Variants in CEP83 observed in about 807,000 individuals in gnomAD.
The protein encoded by CEP83 is centrosomal protein 83, also known as centrosomal protein of 83 kDa.
In CEP83, 70 loss-of-function variants were observed where a neutral mutation model predicts 101.9. That is an observed-to-expected ratio of 0.69 (90% CI 0.57 to 0.84). CEP83 has a LOEUF of 0.84. Among genes scored for constraint, CEP83 ranks in the 40% least tolerant of loss-of-function variants. CEP83 has a pLI of 0.00. For missense variants in CEP83, 715 were observed against 787.2 expected (o/e 0.91, Z 1.10); for synonymous variants, 264 against 267.9 (o/e 0.99, Z 0.14).
At chr12:94,365,914 A>T (rs2061003348) in intron 11 of CEP83, among the ~76,000 whole-genome samples, 1 of 152,212 alleles carries the variant, frequency 6.6e-6, no homozygotes, top group Admixed American at 6.5e-5. Context: ...AATCTGAAGC[A>T]GTTTCCAGGG....
chr12:94,416,304 C>G (rs1240007709), intron 2 of CEP83, among the ~76,000 whole-genome samples: 1 of 152,028 alleles, frequency 6.6e-6, no homozygotes, highest in Non-Finnish European at 1.5e-5. Flanking sequence ...ATAATGGAGA[C>G]TAGAAGGCTG....
chr12:94,419,474 T>C (rs2064549682), intron 2 of CEP83, among the ~76,000 whole-genome samples: 2 of 152,114 alleles, frequency 1.3e-5, no homozygotes, highest in South Asian at 4.1e-4. Flanking sequence ...AATGAGTGTG[T>C]CTCTATGTGT....
At chr12:94,454,874 C>A (rs185300493) in intron 1 of CEP83, among the ~76,000 whole-genome samples, 1 of 152,148 alleles carries the variant, frequency 6.6e-6, no homozygotes, top group African/African-American at 2.4e-5. Flanking sequence ...ACCACGAACC[C>A]ACCGGGAGGA....
At chr12:94,307,508 T>A (rs986015214), downstream of CEP83, 7 of 152,080 alleles carry the variant, frequency 4.6e-5, no homozygotes, top group African/African-American at 1.7e-4. Flanking sequence ...ATTTATAAAC[T>A]TTTTTTTCTA....
At chr12:94,390,994 C>T (rs1274366904) in intron 6 of CEP83, among the ~76,000 whole-genome samples, 3 of 152,086 alleles carry the variant, frequency 2.0e-5, no homozygotes, top group Non-Finnish European at 2.9e-5. Flanking sequence ...ACCAAATCTA[C>T]GTCTGACTGG....
At chr12:94,382,481 GT>G (rs755236386) in intron 6 of CEP83, among the ~76,000 whole-genome samples, 2 of 151,408 alleles carry the variant, frequency 1.3e-5, no homozygotes, top group African/African-American at 2.4e-5. Flanking sequence ...TGCTATAAAT[GT>G]TTCTTGGCAC....
chr12:94,411,325 G>A (rs2063865876), intron 4 of CEP83, among the ~76,000 whole-genome samples: 1 of 151,976 alleles, frequency 6.6e-6, no homozygotes, highest in East Asian at 1.9e-4. Context: ...TTTAAGAATA[G>A]CTGTCCTTTT....
chr12:94,444,468 G>A (rs1045787100), intron 1 of CEP83, among the ~76,000 whole-genome samples: 7 of 152,166 alleles, frequency 4.6e-5, no homozygotes, highest in Non-Finnish European at 7.3e-5. Context: ...CTAAGCAAAA[G>A]CTTTCAAAAT....
At chr12:94,357,066 C>T (rs1001857590) in intron 11 of CEP83, among the ~76,000 whole-genome samples, 2 of 152,184 alleles carry the variant, frequency 1.3e-5, no homozygotes, top group Non-Finnish European at 2.9e-5. Context: ...GATTTTATAG[C>T]TCGGTTACAG....
chr12:94,327,293 T>C (rs535705275), intron 14 of CEP83, among the ~76,000 whole-genome samples: 1 of 152,348 alleles, frequency 6.6e-6, no homozygotes, highest in South Asian at 2.1e-4. Flanking sequence ...TTAACTTTTT[T>C]TCAATGATCA....
At chr12:94,424,423 C>T (rs939419922) in intron 2 of CEP83, 20 of 1,613,952 alleles carry the variant, frequency 1.2e-5, no homozygotes, top group African/African-American at 2.7e-5. Flanking sequence ...CTGTGGACTC[C>T]ATCCTTGCAA....
At chr12:94,376,708 C>T (rs1203730703) in intron 7 of CEP83, among the ~76,000 whole-genome samples, 2 of 121,796 alleles carry the variant, frequency 1.6e-5, no homozygotes, top group African/African-American at 6.1e-5. Flanking sequence ...CACACACACA[C>T]ACACACACAC....
At chr12:94,345,722 A>G (rs2059905589) in intron 11 of CEP83, among the ~76,000 whole-genome samples, 1 of 152,208 alleles carries the variant, frequency 6.6e-6, no homozygotes, top group South Asian at 2.1e-4. Flanking sequence ...TCCAGGAGGA[A>G]ATAATGCTAC....
chr12:94,452,384 G>T (rs1594163280), intron 1 of CEP83, among the ~76,000 whole-genome samples: 2 of 152,110 alleles, frequency 1.3e-5, no homozygotes, highest in East Asian at 3.8e-4. Flanking sequence ...GTAGAAGAAA[G>T]AAGTTATCTC....
intron 1 of CEP83, among the ~76,000 whole-genome samples, chr12:94,441,926 A>C (rs990267568): frequency 1.3e-5 from 2 of 151,644 alleles, no homozygotes; most frequent in Admixed American, 6.6e-5. Context: ...AAAAAAAAAA[A>C]AAAAAAAAAA....
At chr12:94,309,149 A>C (rs1012182315) in intron 16 of CEP83, among the ~76,000 whole-genome samples, 1 of 152,144 alleles carries the variant, frequency 6.6e-6, no homozygotes, top group African/African-American at 2.4e-5. Flanking sequence ...CTAGGTATAA[A>C]ATTCACCAGG....
intron 14 of CEP83, among the ~76,000 whole-genome samples, chr12:94,316,904 G>A (rs575285755): frequency 6.6e-6 from 1 of 152,090 alleles, no homozygotes; most frequent in Non-Finnish European, 1.5e-5. Context: ...TGTCTTTATG[G>A]CAGAAAGATT....
intron 7 of CEP83, 45 bp downstream of exon 7, chr12:94,378,746 T>TA (rs1363326986): frequency 6.3e-7 from 1 of 1,594,666 alleles, no homozygotes; most frequent in Non-Finnish European, 8.6e-7. Flanking sequence ...AACTGCACTT[T>TA]AAAAAAGTAT....
At chr12:94,303,924 A>G (rs765636127), downstream of CEP83, 2 of 1,607,832 alleles carry the variant, frequency 1.2e-6, no homozygotes, top group Admixed American at 3.4e-5. Context: ...AAATAAGCTT[A>G]TATTTGGTTA....
Sources: allele counts gnomAD v4.1 joint callset (sites outside exome capture counted in the v4.1 genomes callset), GRCh38; gene constraint gnomAD v4.1.1; transcripts MANE v1.5; gene names NCBI Gene and HGNC (gene_info 2026-07-23, HGNC 2026-07-21).